Variants in THSD4 observed in about 807,000 individuals in gnomAD.
THSD4 encodes thrombospondin type-1 domain-containing protein 4.
A neutral mutation model predicts 119.0 loss-of-function variants in THSD4; 69 were observed. The ratio of observed to expected loss-of-function variants is 0.58; its 90% confidence interval spans 0.48 to 0.71. The LOEUF (loss-of-function observed/expected upper bound fraction) is 0.71, where lower values mean the gene tolerates loss of function less well. Among genes scored for constraint, THSD4 ranks in the 30% least tolerant of loss-of-function variants. THSD4 has a pLI of 0.00. For synonymous variants in THSD4, 524 were observed against 540.4 expected (o/e 0.97, Z 0.42); for missense variants, 1,393 against 1,391.1 (o/e 1.00, Z -0.02).
intron 3 of THSD4, among the ~76,000 whole-genome samples, chr15:71,158,302 C>T (rs1013885392): frequency 2.6e-5 from 4 of 151,882 alleles, no homozygotes; most frequent in Non-Finnish European, 4.4e-5. Context: ...TACAGGCATG[C>T]GCCACCATAT....
intron 7 of THSD4, among the ~76,000 whole-genome samples, chr15:71,538,439 G>A (rs561827290): frequency 6.6e-6 from 1 of 152,150 alleles, no homozygotes; most frequent in African/African-American, 2.4e-5. Context: ...CTCTTCTGTC[G>A]CTGGTTGTTT....
intron 8 of THSD4, among the ~76,000 whole-genome samples, chr15:71,699,910 A>G (rs940659224): frequency 3.0e-4 from 46 of 152,048 alleles, no homozygotes; most frequent in African/African-American, 1.0e-3. Flanking sequence ...ACTTGATAAT[A>G]TTTACTACCC....
At chr15:71,103,524 C>T (rs2040261945) in intron 1 of THSD4, among the ~76,000 whole-genome samples, 1 of 152,122 alleles carries the variant, frequency 6.6e-6, no homozygotes, top group South Asian at 2.1e-4. Context: ...GCTTGGGCTT[C>T]AGTTTCTCTG....
At chr15:71,709,179 G>T (rs1041361809) in intron 8 of THSD4, among the ~76,000 whole-genome samples, 1 of 152,184 alleles carries the variant, frequency 6.6e-6, no homozygotes, top group East Asian at 1.9e-4. Context: ...AGGGGGAGGA[G>T]TAATTAAAAT....
At chr15:71,258,638 T>C (rs1238299423) in intron 6 of THSD4, among the ~76,000 whole-genome samples, 1 of 152,218 alleles carries the variant, frequency 6.6e-6, no homozygotes, top group Non-Finnish European at 1.5e-5. Flanking sequence ...ATGTCTTACA[T>C]GGATTCTGGT....
intron 7 of THSD4, among the ~76,000 whole-genome samples, chr15:71,557,327 C>G (rs755402368): frequency 6.6e-6 from 1 of 151,982 alleles, no homozygotes; most frequent in East Asian, 1.9e-4. Context: ...ATGGATAAAT[C>G]CAACTTGGTT....
chr15:71,245,165 C>A (rs987895578), intron 5 of THSD4, among the ~76,000 whole-genome samples: 1 of 152,122 alleles, frequency 6.6e-6, no homozygotes, highest in African/African-American at 2.4e-5. Context: ...AGCCTCCAAC[C>A]CAAGCCAAAG....
At chr15:71,358,131 C>G (rs185280959) in intron 6 of THSD4, among the ~76,000 whole-genome samples, 1 of 152,320 alleles carries the variant, frequency 6.6e-6, no homozygotes, top group Non-Finnish European at 1.5e-5. Flanking sequence ...CTGACCTTCC[C>G]CTTCTCTGGG....
At chr15:71,113,706 A>G (rs1216762981), upstream of THSD4, 2 of 152,302 alleles carry the variant, frequency 1.3e-5, no homozygotes, top group East Asian at 1.9e-4. Flanking sequence ...TAGAATGGAA[A>G]GTTTTCTTCC....
At chr15:71,223,074 A>G (rs145895132) in intron 4 of THSD4, among the ~76,000 whole-genome samples, 6 of 152,274 alleles carry the variant, frequency 3.9e-5, no homozygotes, top group African/African-American at 1.2e-4. Flanking sequence ...AGGCGTCTCA[A>G]TGCCTTCCAC....
At chr15:71,535,068 A>G (rs1479523035) in intron 7 of THSD4, among the ~76,000 whole-genome samples, 1 of 152,246 alleles carries the variant, frequency 6.6e-6, no homozygotes, top group Non-Finnish European at 1.5e-5. Context: ...TCACCATAGT[A>G]TAACTTTAGA....
intron 7 of THSD4, among the ~76,000 whole-genome samples, chr15:71,579,665 C>A (rs1166751616): frequency 6.6e-6 from 1 of 152,146 alleles, no homozygotes; most frequent in Admixed American, 6.5e-5. Context: ...CAAATTGGGT[C>A]ATGTATCTCT....
intron 7 of THSD4, among the ~76,000 whole-genome samples, chr15:71,528,902 T>G (rs775894756): frequency 7.2e-5 from 11 of 152,222 alleles, no homozygotes; most frequent in Non-Finnish European, 1.2e-4. Context: ...TCATATAACT[T>G]AGATAACAGC....
intron 7 of THSD4, among the ~76,000 whole-genome samples, chr15:71,460,307 T>G (rs939140529): frequency 1.0e-4 from 14 of 138,592 alleles, no homozygotes; most frequent in East Asian, 2.0e-4. Flanking sequence ...GTTGCCTGGT[T>G]TTTTTTTTTT....
At chr15:71,493,811 C>T (rs1321162375) in intron 7 of THSD4, among the ~76,000 whole-genome samples, 1 of 152,212 alleles carries the variant, frequency 6.6e-6, no homozygotes, top group African/African-American at 2.4e-5. Context: ...GGCTGCCTTC[C>T]TTGTGAGGGA....
chr15:71,172,706 T>C (rs1262565416), intron 3 of THSD4, among the ~76,000 whole-genome samples: 1 of 110,852 alleles, frequency 9.0e-6, no homozygotes, highest in African/African-American at 4.3e-5. Flanking sequence ...TATATATATA[T>C]ATATATATAT....
chr15:71,548,742 A>G (rs11854733), intron 7 of THSD4, among the ~76,000 whole-genome samples: 16 of 152,256 alleles, frequency 1.1e-4, no homozygotes, highest in African/African-American at 3.4e-4. Context: ...GAAGTTCGCA[A>G]TTTCCCTGTT....
chr15:71,769,927 T>TAA (rs1367063162), intron 16 of THSD4, among the ~76,000 whole-genome samples: 1 of 65,056 alleles, frequency 1.5e-5, no homozygotes, highest in African/African-American at 9.6e-5. Context: ...AAAAATAAAT[T>TAA]TAAAAAAAAA....
intron 6 of THSD4, among the ~76,000 whole-genome samples, chr15:71,326,326 A>G (rs918274546): frequency 4.6e-5 from 7 of 152,174 alleles, no homozygotes; most frequent in South Asian, 4.2e-4. Context: ...GCTGGTCCAG[A>G]GTGAACACTC....
Sources: allele counts gnomAD v4.1 joint callset (sites outside exome capture counted in the v4.1 genomes callset), GRCh38; gene constraint gnomAD v4.1.1; transcripts MANE v1.5; gene names NCBI Gene and HGNC (gene_info 2026-07-23, HGNC 2026-07-21).